The following PDLIM5 variants were observed in gnomAD, a reference collection of about 807,000 sequenced individuals.
PDLIM5 encodes the protein PDZ and LIM domain 5, also known as PDZ and LIM domain protein 5.
In PDLIM5, 34 loss-of-function variants were observed where a neutral mutation model predicts 64.2. That is an observed-to-expected ratio of 0.53 (90% CI 0.40 to 0.71). The LOEUF (loss-of-function observed/expected upper bound fraction) is 0.71. Ranked by LOEUF, PDLIM5 falls within the 30% of genes least tolerant of loss-of-function variation. The probability of loss-of-function intolerance (pLI) is 0.00; values close to 1 mark genes in which losing one functional copy is unlikely to be tolerated. For missense variants in PDLIM5, 683 were observed against 733.6 expected (o/e 0.93, Z 0.80); for synonymous variants, 253 against 269.1 (o/e 0.94, Z 0.59).
chr4:94,552,320 A>G lies in PDLIM5; in HGVS notation c.249-21031A>G, dbSNP rs189563666. 2.6e-5 allele frequency among the ~76,000 whole-genome samples: 4 copies of G among 152,308 alleles called. No individual in the cohort carries two copies. In the East Asian group the frequency reaches 7.7e-4, roughly 29 times the overall value. ...ATTTAAAAATATCTACAAGTTGTCA[A>G]GTTGAATGGCTGAGAGATTTGTTTA... On this transcript the variant is annotated intron_variant, in intron 3 of 12. Transcript: ENST00000317968.
intron 2 of PDLIM5, among the ~76,000 whole-genome samples, chr4:94,503,058 G>A (rs1728074958): frequency 6.6e-6 from 1 of 152,012 alleles, no homozygotes; most frequent in Admixed American, 6.6e-5. Context: ...GTTTTAATTC[G>A]TAGACAGACA....
chr4:94,523,824 C>A lies in PDLIM5; in HGVS notation c.197C>A (p.Ala66Asp). 6.2e-7 allele frequency: 1 copy of A among 1,612,670 alleles called. No individual in the cohort carries two copies. Among genetic ancestry groups the A allele is most frequent in the Non-Finnish European group, 8.5e-7 (1 of 1,178,774 alleles). Reference protein sequence around the residue: ...INAQGMTHLEAQNKIKGCTGS... With the variant: ...INAQGMTHLEDQNKIKGCTGS... Reference sequence around the variant, plus strand: ...GCACAAGGAATGACTCATCTTGAAGCCCAGAATAAGATTAAGGGTTGTACA... The same window carrying A: ...GCACAAGGAATGACTCATCTTGAAGACCAGAATAAGATTAAGGGTTGTACA... The change falls in exon 3 of 13, where the codon GCC becomes GAC. Residue 66 changes from alanine to aspartate, a missense_variant. Ala to Asp is a moderately radical substitution (Grantham distance 126, BLOSUM62 -2). Transcript: ENST00000317968.
intron 3 of PDLIM5, among the ~76,000 whole-genome samples, chr4:94,524,368 CA>C (rs34215993): frequency 0.024 from 1,859 of 77,162 alleles, 14 homozygotes; most frequent in African/African-American, 0.031. Context: ...GACCCTGTCT[CA>C]AAAAAAAAAA....
At chr4:94,636,462 TTAAA>T (rs991007313) in intron 8 of PDLIM5, among the ~76,000 whole-genome samples, 3 of 151,656 alleles carry the variant, frequency 2.0e-5, no homozygotes, top group African/African-American at 4.8e-5. Flanking sequence ...ATGTAACTGA[TTAAA>T]TAATATTTTT....
intron 3 of PDLIM5, among the ~76,000 whole-genome samples, chr4:94,528,571 GT>G (rs1730581279): frequency 6.6e-6 from 1 of 152,070 alleles, no homozygotes. Flanking sequence ...ATAGGCACCA[GT>G]ATTATTTCCC....
At chr4:94,611,171 A>T (rs1738333991) in intron 7 of PDLIM5, 2 of 1,535,264 alleles carry the variant, frequency 1.3e-6, no homozygotes, top group Non-Finnish European at 1.7e-6. Flanking sequence ...CAAGGAAATC[A>T]ACTGGCTCTA....
chr4:94,470,059 C>T (rs1025846369), intron 2 of PDLIM5, among the ~76,000 whole-genome samples: 2 of 147,216 alleles, frequency 1.4e-5, no homozygotes, highest in Non-Finnish European at 3.0e-5. Context: ...CTCCGCCTCT[C>T]GGGTTTAAGT....
intron 3 of PDLIM5, among the ~76,000 whole-genome samples, chr4:94,527,046 CTTTTTTTTTTTTT>C (rs57625095): frequency 0.012 from 706 of 57,850 alleles, 12 homozygotes; most frequent in African/African-American, 0.047. Context: ...GAACAGCATT[CTTTTTTTTTTTTT>C]TTTTTTTTTT....
chr4:94,601,069 T>A (rs1729844041), intron 7 of PDLIM5, among the ~76,000 whole-genome samples: 1 of 152,190 alleles, frequency 6.6e-6, no homozygotes, highest in South Asian at 2.1e-4. Context: ...AAGAGGAAAT[T>A]CTTTCCCTAA....
In PDLIM5 at chr4:94,493,317, G is replaced by T. The variant is rs77320043; in HGVS notation, c.97-30407G>T. Reference sequence around the variant, plus strand: ...GGATTATCTTTTCATTTTCTTGATGGATTTTTTTTTTTGAGGCAGAGTCTC... The same window carrying T: ...GGATTATCTTTTCATTTTCTTGATGTATTTTTTTTTTTGAGGCAGAGTCTC... On this transcript the variant is annotated intron_variant, in intron 2 of 12. Transcript: ENST00000317968. Among the ~76,000 whole-genome samples, 613 of 151,322 alleles carry T rather than the reference G, an allele frequency of 4.1e-3. 6 individuals are homozygous for T. Among genetic ancestry groups the T allele is most frequent in the African/African-American group, 0.013 (534 of 41,296 alleles).
At chr4:94,512,815 A>C (rs1488830309) in intron 2 of PDLIM5, among the ~76,000 whole-genome samples, 2 of 152,110 alleles carry the variant, frequency 1.3e-5, no homozygotes, top group Non-Finnish European at 2.9e-5. Context: ...GCCCAGACCA[A>C]TGTCCTGGAG....
At chr4:94,625,206 T>C (rs1354527533) in intron 8 of PDLIM5, among the ~76,000 whole-genome samples, 2 of 152,208 alleles carry the variant, frequency 1.3e-5, no homozygotes, top group Non-Finnish European at 2.9e-5. Context: ...CCGTGGAGGA[T>C]TGTATTCAGT....
Position 94,664,940 on chromosome 4 carries a change from A to G in PDLIM5, c.*873A>G. 1.0e-6 allele frequency: 1 copy of G among 982,184 alleles called. No individual in the cohort carries two copies. The highest frequency in any genetic ancestry group is 4.7e-5 in the South Asian group (1 of 21,204). The allele number at this position is 982,184 out of a possible 1,614,324, so 60.8% of individuals were successfully genotyped here. Reference sequence around the variant, plus strand: ...CATTCTAGTAGGAAAGGACAATAAGATTTTTTATCAAAATGTGTCATGCCA... The same window carrying G: ...CATTCTAGTAGGAAAGGACAATAAGGTTTTTTATCAAAATGTGTCATGCCA... On this transcript the variant is annotated 3_prime_UTR_variant, in exon 13 of 13. Coordinates refer to ENST00000317968, the MANE Select transcript of PDLIM5 (RefSeq NM_006457.5).
chr4:94,543,400 A>G (rs762532410), intron 3 of PDLIM5, among the ~76,000 whole-genome samples: 31 of 152,170 alleles, frequency 2.0e-4, no homozygotes, highest in Non-Finnish European at 3.1e-4. Flanking sequence ...AAATCTAGCT[A>G]ATTAACATAT....
intron 3 of PDLIM5, among the ~76,000 whole-genome samples, 168 bp from the exon 4 acceptor site, chr4:94,573,183 A>G (rs1457027265): frequency 6.6e-6 from 1 of 152,224 alleles, no homozygotes; most frequent in Non-Finnish European, 1.5e-5. Flanking sequence ...GACTTACATG[A>G]ATGAATTAGA....
At chr4:94,602,767 G>T (rs1275096441) in intron 7 of PDLIM5, among the ~76,000 whole-genome samples, 1 of 151,938 alleles carries the variant, frequency 6.6e-6, no homozygotes, top group African/African-American at 2.4e-5. Flanking sequence ...CTGCAGCCTG[G>T]TTTTTGTTCT....
intron 7 of PDLIM5, 52 bp from the exon 8 acceptor site, chr4:94,617,952 T>G: frequency 1.1e-6 from 1 of 917,704 alleles, no homozygotes. Context: ...GGATTATTGC[T>G]GAGTTACGTT....
chr4:94,539,724 A>G (rs1731617062), intron 3 of PDLIM5, among the ~76,000 whole-genome samples: 1 of 152,224 alleles, frequency 6.6e-6, no homozygotes. Flanking sequence ...TAAAACTTAA[A>G]TATAGAATTT....
chr4:94,579,009 A>T (rs970862450), intron 5 of PDLIM5, among the ~76,000 whole-genome samples: 1 of 152,048 alleles, frequency 6.6e-6, no homozygotes, highest in African/African-American at 2.4e-5. Context: ...ACATAAACAG[A>T]TGCTTATTAA....
Sources: gnomAD v4.1 joint callset for allele counts (sites outside exome capture counted in the v4.1 genomes callset) on GRCh38, gnomAD v4.1.1 for gene constraint, MANE v1.5 for transcripts, NCBI Gene and HGNC (gene_info 2026-07-23, HGNC 2026-07-21) for gene names.